The following IFT140 variants were observed in gnomAD, a reference collection of about 807,000 sequenced individuals.
IFT140 encodes the protein intraflagellar transport 140.
In IFT140, 133 loss-of-function variants were observed where a neutral mutation model predicts 164.6. The ratio of observed to expected loss-of-function variants is 0.81; its 90% confidence interval spans 0.70 to 0.93. The LOEUF is 0.93. IFT140 is among the 40% of genes least tolerant of loss of function. The pLI, the probability that IFT140 is intolerant of heterozygous loss-of-function variation, is 0.00. For missense variants in IFT140, 2,045 were observed against 1,972.3 expected (o/e 1.04, Z -0.70); for synonymous variants, 860 against 817.3 (o/e 1.05, Z -0.89).
chr16:1,522,469 A>T (rs2040552993), intron 26 of IFT140, among the ~76,000 whole-genome samples: 1 of 152,220 alleles, frequency 6.6e-6, no homozygotes, highest in African/African-American at 2.4e-5. Flanking sequence ...CGGGAGGTGG[A>T]GGTTGCGGTG....
In IFT140 at chr16:1,540,788, C is replaced by T. The variant is rs148801753; in HGVS notation, c.2400-13992G>A. The T allele has an allele frequency of 3.2e-5, 31 of 972,556 alleles. No homozygotes were observed. The East Asian group carries it at 2.6e-3, about 82-fold the overall frequency. 60.2% of individuals were successfully genotyped at this position (972,556 alleles called of 1,614,324 possible). ...TTTAAAAAGGTGCAACTGTTTATAACGACTTAGTTTTGGGAATCGAATTTC... is the reference window on the plus strand; with the variant it reads ...TTTAAAAAGGTGCAACTGTTTATAATGACTTAGTTTTGGGAATCGAATTTC... On this transcript the variant is annotated intron_variant, in intron 19 of 30. Coordinates refer to ENST00000426508, the MANE Select transcript of IFT140 (RefSeq NM_014714.4).
intron 26 of IFT140, among the ~76,000 whole-genome samples, chr16:1,522,377 A>C (rs1211744102): frequency 2.6e-5 from 4 of 151,976 alleles, no homozygotes; most frequent in African/African-American, 9.7e-5. Flanking sequence ...TAAAAATAAA[A>C]ATACAAAATT....
intron 13 of IFT140, chr16:1,576,996 C>T (rs938463498): frequency 1.3e-5 from 2 of 152,204 alleles, no homozygotes; most frequent in Non-Finnish European, 2.9e-5. Context: ...GGCAGCTCCT[C>T]TCTCCAGCAA....
chr16:1,526,313 GC>G (rs1236825270), intron 20 of IFT140: 51 of 303,548 alleles, frequency 1.7e-4, no homozygotes, highest in East Asian at 9.6e-4. Context: ...CCCTCCCACA[GC>G]CCCCCCTCCC....
At chr16:1,517,426 G>A (rs139881971) in intron 30 of IFT140, among the ~76,000 whole-genome samples, 27 of 150,926 alleles carry the variant, frequency 1.8e-4, no homozygotes, top group African/African-American at 5.6e-4. Flanking sequence ...CTTCACAGAA[G>A]GTGTGTAAAT....
chr16:1,562,093 G>A lies in IFT140; in HGVS notation c.2091C>T (p.Phe697=). 1 of 1,610,376 alleles carries A rather than the reference G, an allele frequency of 6.2e-7. No homozygotes were observed. Among genetic ancestry groups the A allele is most frequent in the Non-Finnish European group, 8.5e-7 (1 of 1,178,390 alleles). Reference sequence around the variant, plus strand: ...GGAAGCCGTGCTCTTCGGAAATGAAGAAGGACAGGATCAAAACATCTGCCT... The same window carrying A: ...GGAAGCCGTGCTCTTCGGAAATGAAAAAGGACAGGATCAAAACATCTGCCT... ...GPAADVLILS[F]FISEEHGFLL... The change falls in exon 18 of 31, where the codon TTC becomes TTT. Residue 697 remains phenylalanine (F), a synonymous_variant. Coordinates refer to ENST00000426508, the MANE Select transcript of IFT140 (RefSeq NM_014714.4).
chr16:1,596,286 G>A (rs969300829), intron 4 of IFT140, among the ~76,000 whole-genome samples: 6 of 151,936 alleles, frequency 3.9e-5, no homozygotes, highest in Admixed American at 3.9e-4. Flanking sequence ...ATCCTCAGAG[G>A]CATTCATTCC....
At chr16:1,541,645 T>C (rs896199642) in intron 19 of IFT140, 4 of 359,230 alleles carry the variant, frequency 1.1e-5, no homozygotes, top group Non-Finnish European at 1.2e-5. Context: ...AAGACAGAAA[T>C]AGCAGAGTAG....
At position 1,524,967 on chromosome 16, in the gene IFT140, C is replaced by T. The variant is rs117976472; in HGVS notation, c.2865-51G>A. 0.047 allele frequency: 74,092 copies of T among 1,568,712 alleles called. 2,031 individuals are homozygous for T. The highest frequency in any genetic ancestry group is 0.076 in the South Asian group (6,768 of 88,668). On this transcript the variant is annotated intron_variant, in intron 22 of 30. Coordinates refer to ENST00000426508, the MANE Select transcript of IFT140 (RefSeq NM_014714.4). ...TCTCCACCCGAGCCCCGCTCCAACC[C>T]GGGACGGCCCCCACCCCGCCCCTGT...
rs747274694 is a variant in IFT140 at position 1,524,627 on chromosome 16, G to C, written c.3066C>G (p.Ser1022Arg). 6.2e-6 allele frequency: 10 copies of C among 1,601,436 alleles called. No individual in the cohort carries two copies. The highest frequency in any genetic ancestry group is 1.7e-4 in the Middle Eastern group (1 of 6,008). The change falls in exon 24 of 31, where the codon AGC (serine) becomes AGG (arginine). Residue 1022 changes from serine (S) to arginine (R), a missense_variant. Coordinates refer to ENST00000426508, the MANE Select transcript of IFT140 (RefSeq NM_014714.4). ...ASYHLARQYE[S>R]QEEVGQAVHF... ...GCACCGCCTGCCCGACCTCCTCCTG[G>C]CTCTCGTACTGGCGGGCGAGGTGGT...
intron 21 of IFT140, 28 bp from the exon 22 acceptor site, chr16:1,525,354 G>C (rs762068831): frequency 6.4e-7 from 1 of 1,557,402 alleles, no homozygotes; most frequent in South Asian, 1.1e-5. Context: ...AGAGGTCCTC[G>C]TTCCCTCCCA....
intron 13 of IFT140, among the ~76,000 whole-genome samples, chr16:1,573,843 G>A (rs1174746730): frequency 6.6e-6 from 1 of 152,152 alleles, no homozygotes; most frequent in African/African-American, 2.4e-5. Flanking sequence ...ACTTTCTAGG[G>A]AGAAAATAAC....
Position 1,588,101 on chromosome 16 carries a change from C to T in IFT140, c.811-77G>A, listed in dbSNP as rs1323384039. The T allele has an allele frequency of 1.3e-5, 16 of 1,219,890 alleles. No homozygotes were observed. The Admixed American group carries it at 3.1e-4, about 24-fold the overall frequency. The allele number at this position is 1,219,890 out of a possible 1,614,324, so 75.6% of individuals were successfully genotyped here. Reference sequence around the variant, plus strand: ...TCCCGGCTTCAGGAGCCTGGAGTCTCTGGTCCTCAGTGACTTCATGGAGAC... The same window carrying T: ...TCCCGGCTTCAGGAGCCTGGAGTCTTTGGTCCTCAGTGACTTCATGGAGAC... On this transcript the variant is annotated intron_variant, in intron 7 of 30. Transcript: ENST00000426508.
chr16:1,603,790 G>A (rs2035914061), intron 3 of IFT140, among the ~76,000 whole-genome samples: 1 of 152,146 alleles, frequency 6.6e-6, no homozygotes, highest in Non-Finnish European at 1.5e-5. Flanking sequence ...CATGTGCTGT[G>A]TTTTCTAAAA....
At chr16:1,538,446 T>C (rs546938062) in intron 19 of IFT140, among the ~76,000 whole-genome samples, 141 of 152,242 alleles carry the variant, frequency 9.3e-4, no homozygotes, top group African/African-American at 3.2e-3. Context: ...TGCCTGGTGC[T>C]CAAGCCCACC....
intron 19 of IFT140, among the ~76,000 whole-genome samples, chr16:1,527,212 T>C (rs985532410): frequency 1.3e-5 from 2 of 152,172 alleles, no homozygotes; most frequent in Non-Finnish European, 2.9e-5. Flanking sequence ...AAACCAGCCC[T>C]GCACAGCAGG....
rs746861767 is a variant in IFT140 at position 1,571,368 on chromosome 16, A to G, written c.1652+39T>C. ...CCATCACACTGTCTCCTGACTGACT[A>G]AAAAAATGTTCACACTTCTATTTGG... On this transcript the variant is annotated intron_variant, in intron 14 of 30. Transcript: ENST00000426508. 17 of 1,595,296 alleles carry G rather than the reference A, an allele frequency of 1.1e-5. No homozygotes were observed. In the East Asian group the frequency reaches 3.8e-4, roughly 36 times the overall value.
At chr16:1,569,603 C>G (rs564790224) in intron 14 of IFT140, among the ~76,000 whole-genome samples, 1 of 150,040 alleles carries the variant, frequency 6.7e-6, no homozygotes, top group Non-Finnish European at 1.5e-5. Flanking sequence ...CCCTCTCTCT[C>G]TCTGAGACAG....
rs376962964 is a variant in IFT140, at chr16:1,523,906, G to A, written c.3192C>T (p.Pro1064=). Residue 1064 remains proline (P), a synonymous_variant, in exon 25 of 31, where the codon CCC becomes CCT. Transcript: ENST00000426508. ...QLMNLALLSS[P]EDMIEAARYY... is the part of the protein sequence containing the mutation. ...ATCGGGCCGCCTCGATCATGTCCTC[G>A]GGGGAGCTCAGCAGGGCCAAGTTCA... 11 of 1,613,188 alleles carry A rather than the reference G, an allele frequency of 6.8e-6. No homozygotes were observed. The highest frequency in any genetic ancestry group is 4.5e-5 in the East Asian group (2 of 44,890).
Sources: gnomAD v4.1 joint callset for allele counts (sites outside exome capture counted in the v4.1 genomes callset) on GRCh38, gnomAD v4.1.1 for gene constraint, MANE v1.5 for transcripts, NCBI Gene and HGNC (gene_info 2026-07-23, HGNC 2026-07-21) for gene names.